The following DEDD variants were observed in gnomAD, a reference collection of about 807,000 sequenced individuals.
DEDD encodes death effector domain-containing protein.
DEDD carries 3 observed loss-of-function variants against 29.2 expected under a neutral mutation model. The ratio of observed to expected loss-of-function variants is 0.10; its 90% CI spans 0.05 to 0.27. The LOEUF is 0.27. Among genes scored for constraint, DEDD ranks in the 10% least tolerant of loss-of-function variants. DEDD has a pLI of 1.00. For synonymous variants in DEDD, 152 were observed against 161.3 expected (o/e 0.94, Z 0.44); for missense variants, 261 against 420.5 (o/e 0.62, Z 3.32).
chr1:161,124,401 T>C lies in DEDD; in HGVS notation c.62A>G (p.His21Arg), dbSNP rs771191193. ...VWPEEHGEQE[H>R]GLYSLHRMFD... ...CATGCGGTGCAGGCTGTACAGCCCATGTTCCTGCTCACCATGCTCTTCTGG... is the reference window on the plus strand; with the variant it reads ...CATGCGGTGCAGGCTGTACAGCCCACGTTCCTGCTCACCATGCTCTTCTGG... Residue 21 changes from histidine (H) to arginine (R), a missense_variant, in exon 3 of 6, where the codon CAT (histidine) becomes CGT (arginine). His to Arg is a conservative substitution (Grantham distance 29, BLOSUM62 0). This residue lies in a region of DEDD where 203 missense variants were observed against 268.7 expected (regional missense o/e 0.76). Transcript: ENST00000368006. The C allele has an allele frequency of 1.9e-6, 3 of 1,613,352 alleles. No individual in the cohort carries two copies. Among genetic ancestry groups the C allele is most frequent in the South Asian group, 2.2e-5 (2 of 91,086 alleles).
chr1:161,122,916 GAGC>G lies in DEDD; in HGVS notation c.580+156_580+158del. 7.4e-7 allele frequency: 1 copy of G among 1,343,238 alleles called. No individual in the cohort carries two copies. Among genetic ancestry groups the G allele is most frequent in the Non-Finnish European group, 1.1e-6 (1 of 939,016 alleles). 83.2% of individuals were successfully genotyped at this position (1,343,238 alleles called of 1,614,324 possible). ...AAATGTACCCTGCCACAATCATAAA[GAGC>G]AGTTCTTCCACCAGACACCAAACCA... On this transcript the variant is annotated intron_variant, in intron 5 of 5. Transcript: ENST00000368006. This position sits in a 1 kb window ranked among gnomAD's most constrained non-coding sequence, Gnocchi z 4.2.
chr1:161,124,753 G>A (rs1655972935), intron 2 of DEDD: 2 of 390,750 alleles, frequency 5.1e-6, no homozygotes, highest in Non-Finnish European at 8.4e-6. Flanking sequence ...CTTGAGCCCA[G>A]GCGTTTAAGA....
intron 2 of DEDD, among the ~76,000 whole-genome samples, chr1:161,126,935 A>G (rs996020389): frequency 6.6e-5 from 10 of 152,100 alleles, no homozygotes; most frequent in Admixed American, 6.5e-5. Flanking sequence ...CTACACCCCC[A>G]TGCAGAGATA....
At chr1:161,126,023 T>C (rs1472775271) in intron 2 of DEDD, among the ~76,000 whole-genome samples, 1 of 152,216 alleles carries the variant, frequency 6.6e-6, no homozygotes, top group African/African-American at 2.4e-5. Flanking sequence ...CACCAGACAG[T>C]ACCATCCTAT....
At position 161,132,651 on chromosome 1, in the gene DEDD, GC is replaced by G; in HGVS notation, c.-199del. On this transcript the variant is annotated 5_prime_UTR_variant, in exon 1 of 6. Coordinates refer to ENST00000368006, the MANE Select transcript of DEDD (RefSeq NM_032998.3). ...CCGGGCTCCAGCAGCCGCCGCCGCC[GC>G]CGCCGCCGCGGCCGTGGGGGAGGGG... is the stretch of plus-strand genomic sequence containing the variant. The G allele has an allele frequency of 6.0e-6, 1 of 167,246 alleles. No homozygotes were observed. Among genetic ancestry groups the G allele is most frequent in the Non-Finnish European group, 1.2e-5 (1 of 80,004 alleles). The allele number at this position is 167,246 out of a possible 1,614,324, so 10.4% of individuals were successfully genotyped here.
chr1:161,124,344 C>T lies in DEDD; in HGVS notation c.119G>A (p.Arg40Lys). The T allele has an allele frequency of 6.2e-7, 1 of 1,614,252 alleles. No homozygotes were observed. The highest frequency in any genetic ancestry group is 1.7e-5 in the Admixed American group (1 of 60,034). Reference protein sequence around the residue: ...FDIVGTHLTHRDVRVLSFLFV... With the variant: ...FDIVGTHLTHKDVRVLSFLFV... ...GAGGAAAGAAAGCACGCGCACATCT[C>T]TGTGTGTCAGATGAGTGCCCACGAT... is the stretch of plus-strand genomic sequence containing the variant. Residue 40 changes from arginine (R) to lysine (K), a missense_variant, in exon 3 of 6, where the codon AGA (arginine) becomes AAA (lysine). By Grantham distance (26) the Arg-to-Lys change is conservative. Around this residue, in one of 2 missense-constraint regions of DEDD, gnomAD observed 203 missense variants for 268.7 expected, o/e 0.76. Coordinates refer to ENST00000368006, the MANE Select transcript of DEDD (RefSeq NM_032998.3).
At chr1:161,132,519 C>G in intron 1 of DEDD, 32 bp downstream of exon 1, 1 of 154,414 alleles carries the variant, frequency 6.5e-6, no homozygotes, top group Non-Finnish European at 1.5e-5. Context: ...GCTCGACTCC[C>G]TCTCCCCACT....
Position 161,122,384 on chromosome 1 carries a change from G to T in DEDD, c.720C>A (p.Asp240Glu). Reference protein sequence around the residue: ...NQANTILKSRDLGSIICDIKF... With the variant: ...NQANTILKSRELGSIICDIKF... ...TGATGTCACAGATGATGGAGCCCAGGTCCCGGGACTTGAGGATGGTGTTGG... is the reference window on the plus strand; with the variant it reads ...TGATGTCACAGATGATGGAGCCCAGTTCCCGGGACTTGAGGATGGTGTTGG... The change falls in exon 6 of 6, where the codon GAC becomes GAA. Residue 240 changes from aspartate to glutamate, a missense_variant. Asp to Glu is a conservative substitution (Grantham distance 45). Transcript: ENST00000368006. The surrounding 1 kb of genome is among the most constrained non-coding windows in gnomAD (Gnocchi z 4.2). The T allele has an allele frequency of 6.2e-7, 1 of 1,614,204 alleles. No individual in the cohort carries two copies. Among genetic ancestry groups the T allele is most frequent in the Non-Finnish European group, 8.5e-7 (1 of 1,180,044 alleles).
chr1:161,126,888 A>G (rs965142874), intron 2 of DEDD, among the ~76,000 whole-genome samples: 5 of 152,050 alleles, frequency 3.3e-5, no homozygotes, highest in African/African-American at 9.7e-5. Flanking sequence ...CTCATTCTTT[A>G]AGAGTCAGCT....
chr1:161,127,099 T>A (rs1443502442), intron 2 of DEDD, among the ~76,000 whole-genome samples: 2 of 152,214 alleles, frequency 1.3e-5, no homozygotes, highest in Non-Finnish European at 2.9e-5. Flanking sequence ...TAGTGCCTAG[T>A]AATGGACAGA....
chr1:161,124,488 T>G lies in DEDD; in HGVS notation c.-26A>C, dbSNP rs779179623. ...GCTGGGGGCTCAGGTACGCAATGCT[T>G]TCCAGAATCCCTGCTCAGCAGCTGC... On this transcript the variant is annotated 5_prime_UTR_variant, in exon 3 of 6. Coordinates refer to ENST00000368006, the MANE Select transcript of DEDD (RefSeq NM_032998.3). The G allele has an allele frequency of 4.4e-5, 70 of 1,579,722 alleles. No individual in the cohort carries two copies. The highest frequency in any genetic ancestry group is 6.0e-5 in the Non-Finnish European group (70 of 1,158,546).
At chr1:161,125,771 G>C (rs1232809264) in intron 2 of DEDD, among the ~76,000 whole-genome samples, 2 of 152,080 alleles carry the variant, frequency 1.3e-5, no homozygotes, top group Non-Finnish European at 2.9e-5. Flanking sequence ...CAAAGTGCTG[G>C]GATTACAGGC....
intron 2 of DEDD, among the ~76,000 whole-genome samples, chr1:161,127,581 G>A (rs1656300757): frequency 6.6e-6 from 1 of 152,182 alleles, no homozygotes; most frequent in African/African-American, 2.4e-5. Context: ...CTGATATGTA[G>A]ACAGGAAATG....
At chr1:161,124,605 A>G (rs749433275) in intron 2 of DEDD, 79 bp from the exon 3 acceptor site, 2 of 1,440,216 alleles carry the variant, frequency 1.4e-6, no homozygotes, top group Non-Finnish European at 1.8e-6. Context: ...CCCAGTTGCT[A>G]ACAATGCCTG....
At chr1:161,127,710 G>A (rs1220586005) in intron 2 of DEDD, among the ~76,000 whole-genome samples, 3 of 152,160 alleles carry the variant, frequency 2.0e-5, no homozygotes, top group Non-Finnish European at 4.4e-5. Context: ...CTGTTACTGG[G>A]TACAAATGAA....
At position 161,122,080 on chromosome 1, in the gene DEDD, C is replaced by A. The variant is rs1655563977; in HGVS notation, c.*67G>T. On this transcript the variant is annotated 3_prime_UTR_variant, in exon 6 of 6. Transcript: ENST00000368006. This position sits in a 1 kb window ranked among gnomAD's most constrained non-coding sequence, Gnocchi z 4.2. ...TTGGTTGGAAGGGTAGAGAACAAAC[C>A]CCAGAACAGTGTAAGCTCCAGAGGT... 6.4e-7 allele frequency: 1 copy of A among 1,572,964 alleles called. No individual in the cohort carries two copies. The highest frequency in any genetic ancestry group is 1.7e-5 in the Admixed American group (1 of 57,994).
chr1:161,131,043 G>A (rs1656624640), intron 1 of DEDD, 196 bp from the exon 2 acceptor site: 1 of 152,118 alleles, frequency 6.6e-6, no homozygotes, highest in African/African-American at 2.4e-5. Flanking sequence ...CTCTCTATTA[G>A]TCAATTTACA....
intron 2 of DEDD, among the ~76,000 whole-genome samples, chr1:161,126,106 A>G (rs771544129): frequency 4.9e-4 from 74 of 152,102 alleles, no homozygotes; most frequent in Non-Finnish European, 1.0e-3. Context: ...ACTTCTAGAT[A>G]TTTCTTAAAT....
rs1290148480 is a variant in DEDD, at chr1:161,131,368, G to A, written c.-97-521C>T. On this transcript the variant is annotated intron_variant, in intron 1 of 5. Transcript: ENST00000368006. The stretch of plus-strand genomic sequence containing the variant: ...TACGTCTATGTTTCACCAGGGAAAA[G>A]TTTTTCTACATACAGTATCCATGTT... 2.6e-5 allele frequency among the ~76,000 whole-genome samples: 4 copies of A among 152,296 alleles called. No individual in the cohort carries two copies. The East Asian group carries it at 7.7e-4, about 29-fold the overall frequency.
Sources: allele counts gnomAD v4.1 joint callset (sites outside exome capture counted in the v4.1 genomes callset), GRCh38; gene constraint gnomAD v4.1.1; regional missense constraint gnomAD v4.1.1; non-coding constraint Gnocchi (gnomAD v3.1); transcripts MANE v1.5; gene names NCBI Gene and HGNC (gene_info 2026-07-23, HGNC 2026-07-21).